ST7: variants seen among roughly 807,000 people sequenced by gnomAD.
ST7 encodes the protein suppression of tumorigenicity 7, also known as suppressor of tumorigenicity 7 protein.
ST7 carries 28 observed loss-of-function variants against 78.7 expected under a neutral mutation model. The ratio of observed to expected loss-of-function variants is 0.36; its 90% CI spans 0.26 to 0.49. ST7 has a LOEUF of 0.49. Among genes scored for constraint, ST7 ranks in the 20% least tolerant of loss-of-function variants. ST7 has a pLI of 0.99. For missense variants in ST7, 418 were observed against 696.0 expected, an observed-to-expected ratio of 0.60 and a Z score of 4.49; for synonymous variants, 247 against 249.6, an observed-to-expected ratio of 0.99 and a Z score of 0.10.
intron 1 of ST7, among the ~76,000 whole-genome samples, chr7:117,044,943 AC>A (rs1476771537): frequency 6.6e-6 from 1 of 152,080 alleles, no homozygotes; most frequent in African/African-American, 2.4e-5. Flanking sequence ...TCTCCCCCCT[AC>A]TACTCACCCA....
chr7:117,135,143 T>C (rs1218851433), intron 7 of ST7, among the ~76,000 whole-genome samples: 1 of 152,062 alleles, frequency 6.6e-6, no homozygotes, highest in Non-Finnish European at 1.5e-5. Flanking sequence ...GCGTGGTCTG[T>C]TACAGCCTCA....
chr7:117,077,848 T>TC (rs1563063234), intron 1 of ST7, among the ~76,000 whole-genome samples: 1 of 149,240 alleles, frequency 6.7e-6, no homozygotes. Context: ...TTCTTTCTTT[T>TC]TTTTTTTTTT....
chr7:117,157,168 C>T (rs1806765896), intron 9 of ST7, among the ~76,000 whole-genome samples: 2 of 152,156 alleles, frequency 1.3e-5, no homozygotes, highest in South Asian at 2.1e-4. Context: ...AACATGATGG[C>T]ATGAGCTTCT....
intron 15 of ST7, among the ~76,000 whole-genome samples, chr7:117,226,361 T>C (rs997536244): frequency 6.6e-6 from 1 of 152,200 alleles, no homozygotes; most frequent in Non-Finnish European, 1.5e-5. Context: ...ATTAAAGATA[T>C]GACCATGTAT....
At chr7:117,214,340 G>GC (rs1792521111) in intron 13 of ST7, among the ~76,000 whole-genome samples, 2 of 152,226 alleles carry the variant, frequency 1.3e-5, no homozygotes, top group Non-Finnish European at 1.5e-5. Context: ...TGAGGATGGT[G>GC]TTTTTTAGGG....
intron 2 of ST7, among the ~76,000 whole-genome samples, chr7:117,119,029 A>T (rs1044533799): frequency 5.3e-5 from 8 of 152,174 alleles, no homozygotes; most frequent in Admixed American, 4.6e-4. Context: ...GGGAAACGGG[A>T]TACAGCTCAT....
At chr7:117,181,073 A>T (rs1808721029) in intron 10 of ST7, among the ~76,000 whole-genome samples, 1 of 152,172 alleles carries the variant, frequency 6.6e-6, no homozygotes, top group Admixed American at 6.6e-5. Context: ...AGTTTTTTTA[A>T]AACTGGAAAA....
At chr7:117,002,797 T>G (rs1167990210) in intron 1 of ST7, among the ~76,000 whole-genome samples, 1 of 147,836 alleles carries the variant, frequency 6.8e-6, no homozygotes, top group Admixed American at 6.8e-5. Flanking sequence ...TAGATGCATC[T>G]ACTGAATTTT....
intron 1 of ST7, among the ~76,000 whole-genome samples, chr7:117,086,836 T>C (rs1432978018): frequency 6.6e-6 from 1 of 152,234 alleles, no homozygotes; most frequent in African/African-American, 2.4e-5. Context: ...GAAAAATAAC[T>C]GGTCCTTAGG....
chr7:117,189,228 C>A, intron 10 of ST7, 93 bp from the exon 11 acceptor site: 1 of 750,188 alleles, frequency 1.3e-6, no homozygotes. Context: ...TGCTTTATTG[C>A]ACTTAAACGT....
intron 15 of ST7, among the ~76,000 whole-genome samples, chr7:117,229,102 C>T (rs887975766): frequency 2.6e-5 from 4 of 152,200 alleles, no homozygotes; most frequent in Middle Eastern, 6.3e-3. Flanking sequence ...TTATTCTCTA[C>T]ATGAAAAGCA....
intron 1 of ST7, chr7:116,959,710 G>T (rs1792722867): frequency 6.6e-6 from 1 of 152,184 alleles, no homozygotes; most frequent in African/African-American, 2.4e-5. Context: ...ACAATTTTTT[G>T]ATTAATGTCA....
intron 14 of ST7, among the ~76,000 whole-genome samples, chr7:117,220,491 T>A (rs994586868): frequency 9.9e-5 from 15 of 152,212 alleles, no homozygotes; most frequent in Non-Finnish European, 2.9e-5. Flanking sequence ...TTCTGAAAAG[T>A]ACAGTATTTT....
chr7:116,963,752 C>G (rs993962387), intron 1 of ST7, among the ~76,000 whole-genome samples: 2 of 151,770 alleles, frequency 1.3e-5, no homozygotes, highest in African/African-American at 2.4e-5. Flanking sequence ...TCTGCCTCAG[C>G]CTCCTGAGTA....
chr7:117,229,272 G>A (rs1398178017), intron 15 of ST7, among the ~76,000 whole-genome samples: 1 of 152,236 alleles, frequency 6.6e-6, no homozygotes, highest in East Asian at 1.9e-4. Flanking sequence ...CCACGCTGGT[G>A]TCTGGGAGGC....
intron 1 of ST7, among the ~76,000 whole-genome samples, chr7:117,046,230 T>G (rs1797486320): frequency 6.6e-6 from 1 of 152,162 alleles, no homozygotes; most frequent in African/African-American, 2.4e-5. Context: ...TGAACCCTGT[T>G]TCTTTCCCGC....
At chr7:117,118,730 A>G (rs906055262) in intron 2 of ST7, among the ~76,000 whole-genome samples, 16 of 152,332 alleles carry the variant, frequency 1.1e-4, no homozygotes, top group South Asian at 2.1e-4. Flanking sequence ...GAGCAGTGGT[A>G]GGAAGTGTTC....
intron 1 of ST7, among the ~76,000 whole-genome samples, chr7:117,000,102 C>T (rs118146070): frequency 7.9e-5 from 12 of 152,276 alleles, no homozygotes; most frequent in Admixed American, 2.6e-4. Flanking sequence ...TGAGCCACTG[C>T]GCCCAGCCTA....
chr7:117,013,132 A>G (rs1387330149), intron 1 of ST7, among the ~76,000 whole-genome samples: 1 of 152,224 alleles, frequency 6.6e-6, no homozygotes, highest in Non-Finnish European at 1.5e-5. Flanking sequence ...AAAGCATAAA[A>G]TGTTATTCCA....
Sources: gnomAD v4.1 joint callset for allele counts (sites outside exome capture counted in the v4.1 genomes callset) on GRCh38, gnomAD v4.1.1 for gene constraint, MANE v1.5 for transcripts, NCBI Gene and HGNC (gene_info 2026-07-23, HGNC 2026-07-21) for gene names.